TJP1: variants seen among roughly 807,000 people sequenced by gnomAD.
The protein encoded by TJP1 is tight junction protein ZO-1.
TJP1 carries 43 observed loss-of-function variants against 194.2 expected under a neutral mutation model. That is an observed-to-expected ratio of 0.22 (90% CI 0.17 to 0.29). The LOEUF is 0.29. TJP1 is among the 10% of genes least tolerant of loss of function. The pLI is 1.00. For synonymous variants in TJP1, 801 were observed against 779.0 expected, an observed-to-expected ratio of 1.03 and a Z score of -0.47; for missense variants, 1,971 against 2,185.7, an observed-to-expected ratio of 0.90 and a Z score of 1.96.
intron 26 of TJP1, 57 bp from the exon 27 acceptor site, chr15:29,704,362 C>T: frequency 1.3e-6 from 2 of 1,525,132 alleles, no homozygotes; most frequent in Admixed American, 2.0e-5. Flanking sequence ...CTTCTAGAAT[C>T]CCAGTTTTCC....
chr15:29,770,679 CAAA>C (rs60161755), intron 4 of TJP1, among the ~76,000 whole-genome samples: 19 of 141,826 alleles, frequency 1.3e-4, no homozygotes, highest in Non-Finnish European at 1.1e-4. Flanking sequence ...GACTCTGTCT[CAAA>C]AAAAAAAAAG....
chr15:29,935,678 T>C (rs1365040933), intron 2 of TJP1, among the ~76,000 whole-genome samples: 1 of 152,110 alleles, frequency 6.6e-6, no homozygotes, highest in Non-Finnish European at 1.5e-5. Context: ...ATCTAATGCT[T>C]AGGCCAAGGC....
At chr15:29,819,925 A>T (rs1332680772) in intron 1 of TJP1, among the ~76,000 whole-genome samples, 1 of 152,186 alleles carries the variant, frequency 6.6e-6, no homozygotes, top group Non-Finnish European at 1.5e-5. Context: ...TAAGAATCTG[A>T]TATACAGTAA....
In TJP1 at chr15:29,737,339, T is replaced by A; in HGVS notation, c.1332A>T (p.Gly444=). The A allele has an allele frequency of 5.6e-6, 9 of 1,614,164 alleles. No individual in the cohort carries two copies. The highest frequency in any genetic ancestry group is 7.6e-6 in the Non-Finnish European group (9 of 1,180,028). Residue 444 remains glycine (G), a synonymous_variant, in exon 11 of 28, where the codon GGA becomes GGT. Coordinates refer to ENST00000614355, the MANE Select transcript of TJP1 (RefSeq NM_001330239.4). ...CTTCTAGAACGCCAGCTACAAATATTCCAACATCATTTCCACCAGCCAGCC... is the reference window on the plus strand; with the variant it reads ...CTTCTAGAACGCCAGCTACAAATATACCAACATCATTTCCACCAGCCAGCC... ...GLRLAGGNDV[G]IFVAGVLEDS... is the part of the protein sequence containing the mutation.
chr15:29,809,616 G>A (rs527492610), intron 1 of TJP1, among the ~76,000 whole-genome samples: 39 of 152,272 alleles, frequency 2.6e-4, no homozygotes, highest in Admixed American at 1.5e-3. Flanking sequence ...AGGCCAACGG[G>A]GGTGGATCGC....
intron 8 of TJP1, among the ~76,000 whole-genome samples, chr15:29,751,946 A>G (rs2045309863): frequency 6.6e-6 from 1 of 152,060 alleles, no homozygotes; most frequent in Non-Finnish European, 1.5e-5. Context: ...TATTTTTGAG[A>G]CAGGGCCTTG....
chr15:29,897,680 C>T (rs2053519550), intron 2 of TJP1, among the ~76,000 whole-genome samples: 1 of 152,166 alleles, frequency 6.6e-6, no homozygotes, highest in African/African-American at 2.4e-5. Flanking sequence ...GACAGAGCTG[C>T]CCAAGACCAT....
chr15:29,791,242 A>G lies in TJP1; in HGVS notation c.84+9404T>C, dbSNP rs1443070539. ...GGATTTCTCCATTTTGGTCAGGCTG[A>G]TCTTGAATTCCTGACCTCAGGTGAT... is the stretch of plus-strand genomic sequence containing the variant. On this transcript the variant is annotated intron_variant, in intron 2 of 27. Transcript: ENST00000614355. Among the ~76,000 whole-genome samples the G allele has an allele frequency of 5.3e-5, 8 of 151,530 alleles. No individual in the cohort carries two copies. The East Asian group carries it at 1.4e-3, about 26-fold the overall frequency.
chr15:29,884,481 T>C (rs2053046865), intron 2 of TJP1, among the ~76,000 whole-genome samples: 2 of 152,204 alleles, frequency 1.3e-5, no homozygotes, highest in African/African-American at 4.8e-5. Flanking sequence ...ACAAAGAAAC[T>C]CTTACCCAGG....
chr15:29,963,196 CA>C (rs147600270), intron 1 of TJP1, among the ~76,000 whole-genome samples: 30,324 of 152,098 alleles, frequency 0.2, 3,413 homozygotes, highest in East Asian at 0.39. Flanking sequence ...CACGTCCCAA[CA>C]GGAGGACCTC....
chr15:29,748,953 T>C (rs200890982), intron 8 of TJP1, among the ~76,000 whole-genome samples: 1,923 of 32,300 alleles, frequency 0.06, 44 homozygotes, highest in East Asian at 0.41. Flanking sequence ...TGTGTGTGTG[T>C]GCGCGTGTGT....
intron 2 of TJP1, among the ~76,000 whole-genome samples, chr15:29,906,405 G>A (rs755518855): frequency 6.6e-6 from 1 of 151,122 alleles, no homozygotes; most frequent in Non-Finnish European, 1.5e-5. Context: ...CCCAGGAAGC[G>A]GAGGTTGAGC....
At position 29,708,571 on chromosome 15, in the gene TJP1, G is replaced by A. The variant is rs768598743; in HGVS notation, c.4838C>T (p.Ala1613Val). Residue 1613 changes from alanine (A) to valine (V), a missense_variant, in exon 25 of 28, where the codon GCT becomes GTT. By Grantham distance (64) the Ala-to-Val change is moderately conservative (BLOSUM62 0). Transcript: ENST00000614355. Reference sequence around the variant, plus strand: ...GCATAAGTCTTACCTCACAGGAATAGCTTTAGGCACTGTGCTGATATTATT... The same window carrying A: ...GCATAAGTCTTACCTCACAGGAATAACTTTAGGCACTGTGCTGATATTATT... ...QINNISTVPK[A>V]IPVSPSAVEE... 2 of 1,609,272 alleles carry A rather than the reference G, an allele frequency of 1.2e-6. No individual in the cohort carries two copies. The highest frequency in any genetic ancestry group is 2.7e-5 in the African/African-American group (2 of 74,786).
chr15:29,884,096 C>T (rs1052259282), intron 2 of TJP1, among the ~76,000 whole-genome samples: 2 of 152,152 alleles, frequency 1.3e-5, no homozygotes, highest in Non-Finnish European at 2.9e-5. Flanking sequence ...AATTTGAAAG[C>T]ACACCTTTTC....
Position 29,710,739 on chromosome 15 carries a change from T to C in TJP1, c.4372+92A>G. 2.0e-6 allele frequency: 3 copies of C among 1,520,514 alleles called. No individual in the cohort carries two copies. The South Asian group carries it at 3.4e-5, about 17-fold the overall frequency. 94.2% of individuals were successfully genotyped at this position (1,520,514 alleles called of 1,614,324 possible). A position where few individuals can be genotyped will look rare whatever the true frequency, so the allele number is the denominator to read the frequency against. ...CAGCCCAAAGGTTTCAAGCATGTAT[T>C]TTTTAATGTAAAAACCATTTTGCCT... is the stretch of plus-strand genomic sequence containing the variant. On this transcript the variant is annotated intron_variant, in intron 24 of 27. Coordinates refer to ENST00000614355, the MANE Select transcript of TJP1 (RefSeq NM_001330239.4).
At chr15:29,830,302 A>G (rs1233848897) in intron 2 of TJP1, among the ~76,000 whole-genome samples, 1 of 150,694 alleles carries the variant, frequency 6.6e-6, no homozygotes, top group Non-Finnish European at 1.5e-5. Context: ...GTAATTACAC[A>G]TGTCAGAATA....
chr15:29,901,157 C>T (rs192803952), intron 2 of TJP1, among the ~76,000 whole-genome samples: 6 of 152,256 alleles, frequency 3.9e-5, no homozygotes, highest in East Asian at 1.9e-4. Context: ...ATTGACGGAA[C>T]GCTTACCCGC....
At chr15:29,786,849 T>C (rs764548870) in intron 2 of TJP1, among the ~76,000 whole-genome samples, 2 of 152,216 alleles carry the variant, frequency 1.3e-5, no homozygotes, top group Non-Finnish European at 2.9e-5. Context: ...GAAAGAGCAC[T>C]GTATGCTGAG....
chr15:29,887,260 A>AATATAAAT (rs1462902042), intron 2 of TJP1, among the ~76,000 whole-genome samples: 3 of 147,828 alleles, frequency 2.0e-5, no homozygotes, highest in Non-Finnish European at 3.0e-5. Flanking sequence ...GTATATATAT[A>AATATAAAT]ATATAAATAT....
Sources: allele counts gnomAD v4.1 joint callset (sites outside exome capture counted in the v4.1 genomes callset), GRCh38; gene constraint gnomAD v4.1.1; transcripts MANE v1.5; gene names NCBI Gene and HGNC (gene_info 2026-07-23, HGNC 2026-07-21).